The following LOC128706665 variants were observed in gnomAD, a reference collection of about 807,000 sequenced individuals.
the LOC128706665 span, among the ~76,000 whole-genome samples, chr20:10,431,093 T>C: frequency 2.0e-5 from 3 of 152,192 alleles, no homozygotes; most frequent in Non-Finnish European, 4.4e-5. Context: ...GTGCCTAGCA[T>C]GTGGGAAGTG....
At chr20:10,424,225 C>T in the LOC128706665 span, among the ~76,000 whole-genome samples, 1 of 151,638 alleles carries the variant, frequency 6.6e-6, no homozygotes, top group Non-Finnish European at 1.5e-5. Context: ...GAGACCTCAT[C>T]TCTATTTTAA....
At chr20:10,420,547 T>C in the LOC128706665 span, 1 of 152,234 alleles carries the variant, frequency 6.6e-6, no homozygotes, top group Admixed American at 6.5e-5. Context: ...GCAAGCCTGC[T>C]ACTTCCCCTG....
At chr20:10,432,867 T>C in the LOC128706665 span, among the ~76,000 whole-genome samples, 1 of 148,436 alleles carries the variant, frequency 6.7e-6, no homozygotes. Flanking sequence ...CCTTAAATAA[T>C]CTCTAGGCTA....
chr20:10,431,481 A>G, the LOC128706665 span, among the ~76,000 whole-genome samples: 6 of 152,042 alleles, frequency 3.9e-5, no homozygotes, highest in Non-Finnish European at 7.4e-5. Context: ...TGAGAAGATA[A>G]TGGGACAATC....
the LOC128706665 span, among the ~76,000 whole-genome samples, chr20:10,422,893 A>G: frequency 2.6e-5 from 4 of 151,930 alleles, no homozygotes; most frequent in East Asian, 7.8e-4. Context: ...TTGTATTTTT[A>G]GTAGAGACAG....
chr20:10,428,406 C>A, the LOC128706665 span, among the ~76,000 whole-genome samples: 1 of 152,046 alleles, frequency 6.6e-6, no homozygotes, highest in South Asian at 2.1e-4. Context: ...CCATTTCTAC[C>A]CTTCATCATT....
the LOC128706665 span, among the ~76,000 whole-genome samples, chr20:10,426,163 T>C: frequency 6.6e-6 from 1 of 152,240 alleles, no homozygotes; most frequent in African/African-American, 2.4e-5. Context: ...AAACATTAAA[T>C]GATTGATTCT....
At chr20:10,423,609 A>G in the LOC128706665 span, among the ~76,000 whole-genome samples, 1 of 152,124 alleles carries the variant, frequency 6.6e-6, no homozygotes, top group African/African-American at 2.4e-5. Context: ...CATAGTATGA[A>G]CCCTCTTTGA....
the LOC128706665 span, among the ~76,000 whole-genome samples, chr20:10,415,802 C>A: frequency 1.3e-5 from 2 of 152,204 alleles, no homozygotes; most frequent in Non-Finnish European, 2.9e-5. Flanking sequence ...GCCATGTTGG[C>A]ACCTCTGTCA....
At chr20:10,427,949 A>G in the LOC128706665 span, among the ~76,000 whole-genome samples, 5 of 152,216 alleles carry the variant, frequency 3.3e-5, no homozygotes, top group Non-Finnish European at 1.5e-5. Flanking sequence ...TCAGGAGTGG[A>G]TCTGCAGTCA....
the LOC128706665 span, among the ~76,000 whole-genome samples, chr20:10,414,139 T>C: frequency 6.6e-6 from 1 of 152,202 alleles, no homozygotes; most frequent in African/African-American, 2.4e-5. Context: ...GAAAAAGTGC[T>C]TGTATTTCAG....
the LOC128706665 span, among the ~76,000 whole-genome samples, chr20:10,424,594 T>A: frequency 1.6e-4 from 24 of 151,848 alleles, no homozygotes; most frequent in African/African-American, 5.6e-4. Context: ...AAAAAAAAAA[T>A]AGTTTTCAAA....
the LOC128706665 span, among the ~76,000 whole-genome samples, chr20:10,425,852 T>C: frequency 2.0e-5 from 3 of 152,322 alleles, no homozygotes; most frequent in Admixed American, 6.5e-5. Context: ...CCTTTCTTTC[T>C]TTCCTGAATC....
chr20:10,423,672 A>G, the LOC128706665 span, among the ~76,000 whole-genome samples: 4 of 152,200 alleles, frequency 2.6e-5, no homozygotes, highest in African/African-American at 9.6e-5. Flanking sequence ...GTGAATCTTT[A>G]GGTCATCTCC....
the LOC128706665 span, chr20:10,434,112 G>C: frequency 6.6e-6 from 1 of 152,342 alleles, no homozygotes. Flanking sequence ...TCTCACCTGC[G>C]CACCAGCCGT....
At chr20:10,428,286 G>A in the LOC128706665 span, among the ~76,000 whole-genome samples, 1 of 152,166 alleles carries the variant, frequency 6.6e-6, no homozygotes, top group Non-Finnish European at 1.5e-5. Context: ...GAGGGGAGTA[G>A]GTATCATGCA....
chr20:10,428,703 G>A, the LOC128706665 span, among the ~76,000 whole-genome samples: 1 of 152,156 alleles, frequency 6.6e-6, no homozygotes, highest in Non-Finnish European at 1.5e-5. Context: ...AGCTGGATGT[G>A]GTGGGTGCAC....
chr20:10,413,796 C>T, the LOC128706665 span: 1 of 550,700 alleles, frequency 1.8e-6, no homozygotes, highest in African/African-American at 1.9e-5. Context: ...CTTTGCAGAC[C>T]TCTGCAAAAA....
chr20:10,424,998 A>G, the LOC128706665 span, among the ~76,000 whole-genome samples: 1 of 151,780 alleles, frequency 6.6e-6, no homozygotes, highest in Non-Finnish European at 1.5e-5. Context: ...GGTTGCAGTG[A>G]GCCAAGATCA....
Sources: allele counts gnomAD v4.1 joint callset (sites outside exome capture counted in the v4.1 genomes callset), GRCh38; gene constraint gnomAD v4.1.1; transcripts MANE v1.5.